The following FRMD4A variants were observed in gnomAD, a reference collection of about 807,000 sequenced individuals.
FRMD4A encodes the protein FERM domain containing 4A.
FRMD4A carries 29 observed loss-of-function variants against 129.1 expected under a neutral mutation model. The observed-to-expected ratio is 0.22, with a 90% CI of 0.17 to 0.31. The LOEUF is 0.31. Among genes scored for constraint, FRMD4A ranks in the 10% least tolerant of loss-of-function variants. The pLI, the probability that FRMD4A is intolerant of heterozygous loss-of-function variation, is 1.00. For missense variants in FRMD4A, 1,272 were observed against 1,375.8 expected (o/e 0.92, Z 1.19); for synonymous variants, 634 against 571.6 (o/e 1.11, Z -1.56).
At chr10:14,275,716 CAA>C (rs1263080014) in intron 2 of FRMD4A, among the ~76,000 whole-genome samples, 1 of 152,066 alleles carries the variant, frequency 6.6e-6, no homozygotes, top group Non-Finnish European at 1.5e-5. Context: ...CCTTTTTTCT[CAA>C]GAGTCCACCC....
intron 2 of FRMD4A, among the ~76,000 whole-genome samples, chr10:13,861,248 C>T (rs80343250): frequency 0.016 from 2,402 of 152,216 alleles, 41 homozygotes; most frequent in Non-Finnish European, 0.023. Context: ...TTTGCAGGTA[C>T]GGCAAGATTA....
intron 20 of FRMD4A, 46 bp from the exon 21 acceptor site, chr10:13,659,536 C>A (rs776562804): frequency 3.8e-6 from 6 of 1,578,672 alleles, no homozygotes; most frequent in Non-Finnish European, 4.3e-6. Flanking sequence ...ACAGACAGCA[C>A]CTTTCCTGGG....
chr10:14,225,614 C>T (rs1843407938), intron 2 of FRMD4A, among the ~76,000 whole-genome samples: 1 of 152,224 alleles, frequency 6.6e-6, no homozygotes, highest in East Asian at 1.9e-4. Flanking sequence ...GCTTGGCAAT[C>T]CCCTCCCGAT....
At chr10:14,086,044 T>C (rs1475011931) in intron 2 of FRMD4A, among the ~76,000 whole-genome samples, 1 of 152,208 alleles carries the variant, frequency 6.6e-6, no homozygotes, top group Non-Finnish European at 1.5e-5. Context: ...TCTAAAGGCA[T>C]ATACTTCCAC....
chr10:13,865,007 C>G (rs1029645712), intron 2 of FRMD4A, among the ~76,000 whole-genome samples: 16 of 152,138 alleles, frequency 1.1e-4, no homozygotes, highest in African/African-American at 3.6e-4. Flanking sequence ...AAGGGTCTTG[C>G]TCTGTTGTCC....
chr10:14,175,403 C>T (rs965339333), intron 2 of FRMD4A, among the ~76,000 whole-genome samples: 4 of 152,258 alleles, frequency 2.6e-5, no homozygotes, highest in Middle Eastern at 6.8e-3. Context: ...ATGCTTTTCA[C>T]CCCTAATTAA....
intron 2 of FRMD4A, among the ~76,000 whole-genome samples, chr10:14,185,697 A>C (rs186525016): frequency 2.0e-5 from 3 of 152,190 alleles, no homozygotes; most frequent in Non-Finnish European, 2.9e-5. Context: ...GCAGCAGCTC[A>C]ACAGTGGCAC....
intron 2 of FRMD4A, among the ~76,000 whole-genome samples, chr10:14,242,019 T>C (rs1253117551): frequency 6.6e-6 from 1 of 152,178 alleles, no homozygotes; most frequent in African/African-American, 2.4e-5. Flanking sequence ...GCTGATGCTC[T>C]AGTGGATATC....
At position 14,257,192 on chromosome 10, in the gene FRMD4A, G is replaced by A. The variant is rs1296530443; in HGVS notation, c.45+72866C>T. 5.3e-5 allele frequency among the ~76,000 whole-genome samples: 8 copies of A among 152,084 alleles called. No homozygotes were observed. In the East Asian group the frequency reaches 5.8e-4, roughly 11 times the overall value. On this transcript the variant is annotated intron_variant, in intron 2 of 24. Transcript: ENST00000357447. ...CTAAAAATACAAAAATTAGCTGGGCGTGGTGGCCAGTGCCCATAATCCCAG... is the reference window on the plus strand; with the variant it reads ...CTAAAAATACAAAAATTAGCTGGGCATGGTGGCCAGTGCCCATAATCCCAG...
intron 2 of FRMD4A, among the ~76,000 whole-genome samples, chr10:14,180,832 C>A (rs1841889904): frequency 6.6e-6 from 1 of 152,130 alleles, no homozygotes; most frequent in Non-Finnish European, 1.5e-5. Flanking sequence ...TTTTCCAGAC[C>A]CCAGATCAAT....
chr10:14,162,386 G>T (rs1840936215), intron 2 of FRMD4A, among the ~76,000 whole-genome samples: 1 of 152,172 alleles, frequency 6.6e-6, no homozygotes, highest in African/African-American at 2.4e-5. Flanking sequence ...TGGGATTTTG[G>T]CATATCCTAG....
rs116390219 is a variant in FRMD4A at position 13,794,703 on chromosome 10, C to T, written c.299+1793G>A. 2.3e-3 allele frequency among the ~76,000 whole-genome samples: 357 copies of T among 152,234 alleles called. 2 individuals are homozygous for T. Among genetic ancestry groups the T allele is most frequent in the African/African-American group, 7.9e-3 (330 of 41,560 alleles). On this transcript the variant is annotated intron_variant, in intron 5 of 24. Coordinates refer to ENST00000357447, the MANE Select transcript of FRMD4A (RefSeq NM_018027.5). ...AGTGGAGAATGGCTGTCCCTAAATG[C>T]GGATTTGGAAATTCTTCTCTCTAAG... is the stretch of plus-strand genomic sequence containing the variant.
chr10:13,845,464 C>T (rs866007167), intron 3 of FRMD4A, among the ~76,000 whole-genome samples: 117 of 152,242 alleles, frequency 7.7e-4, no homozygotes, highest in African/African-American at 2.8e-3. Context: ...GTATAGAAGA[C>T]CAGATTATTA....
At chr10:13,865,786 C>G (rs1564936202) in intron 2 of FRMD4A, among the ~76,000 whole-genome samples, 1 of 151,876 alleles carries the variant, frequency 6.6e-6, no homozygotes, top group African/African-American at 2.4e-5. Flanking sequence ...GATCCTGAAC[C>G]CAGAAAAAAA....
chr10:14,080,442 C>T (rs1429601899), intron 2 of FRMD4A, among the ~76,000 whole-genome samples: 2 of 151,896 alleles, frequency 1.3e-5, no homozygotes, highest in East Asian at 1.9e-4. Context: ...TAATGAGAAC[C>T]CCCCCAGCAC....
intron 9 of FRMD4A, among the ~76,000 whole-genome samples, chr10:13,743,336 CACTCACTA>C (rs1327923796): frequency 6.6e-6 from 1 of 152,156 alleles, no homozygotes; most frequent in Non-Finnish European, 1.5e-5. Flanking sequence ...CCTTCCATCC[CACTCACTA>C]AATCAACAGC....
chr10:13,650,796 C>T (rs572879276), intron 24 of FRMD4A, among the ~76,000 whole-genome samples: 2 of 152,304 alleles, frequency 1.3e-5, no homozygotes, highest in African/African-American at 4.8e-5. Context: ...TCTGTGCATC[C>T]ATGTTTTTGC....
chr10:14,134,193 A>G (rs1839411498), intron 2 of FRMD4A, among the ~76,000 whole-genome samples: 1 of 152,154 alleles, frequency 6.6e-6, no homozygotes, highest in African/African-American at 2.4e-5. Flanking sequence ...ATTCTGCTGT[A>G]TAGCATATGT....
At chr10:13,778,635 T>G (rs2092661864) in intron 6 of FRMD4A, among the ~76,000 whole-genome samples, 1 of 128,178 alleles carries the variant, frequency 7.8e-6, no homozygotes, top group Admixed American at 8.1e-5. Context: ...GTGTGTGTGT[T>G]AAGGTTTAAT....
Sources: allele counts gnomAD v4.1 joint callset (sites outside exome capture counted in the v4.1 genomes callset), GRCh38; gene constraint gnomAD v4.1.1; transcripts MANE v1.5; gene names NCBI Gene and HGNC (gene_info 2026-07-23, HGNC 2026-07-21).